COPE: variants seen among roughly 807,000 people sequenced by gnomAD.
COPE encodes coatomer subunit epsilon.
COPE carries 19 observed loss-of-function variants against 42.1 expected under a neutral mutation model. That is an observed-to-expected ratio of 0.45 (90% CI 0.31 to 0.66). The LOEUF (loss-of-function observed/expected upper bound fraction) is 0.66, where lower values mean the gene tolerates loss of function less well. Among genes scored for constraint, COPE ranks in the 30% least tolerant of loss-of-function variants. COPE has a pLI of 0.05. For synonymous variants in COPE, 195 were observed against 181.3 expected (o/e 1.08, Z -0.60); for missense variants, 402 against 416.1 (o/e 0.97, Z 0.30).
At chr19:18,908,223 G>A (rs1472980536) in intron 3 of COPE, among the ~76,000 whole-genome samples, 1 of 152,174 alleles carries the variant, frequency 6.6e-6, no homozygotes, top group African/African-American at 2.4e-5. Context: ...AAGCCCAGGA[G>A]TTCAAGACCA....
Position 18,907,092 on chromosome 19 carries a change from A to G in COPE, c.311T>C (p.Leu104Pro), listed in dbSNP as rs773583293. ...ESRRDSIVAELDREMSRSVDV... is the reference protein window; with the variant it reads ...ESRRDSIVAEPDREMSRSVDV... Reference sequence around the variant, plus strand: ...CACGCTCCTGCTCATCTCTCGGTCCAGCTCGGCCACGATGCTGTCCCTGCA... The same window carrying G: ...CACGCTCCTGCTCATCTCTCGGTCCGGCTCGGCCACGATGCTGTCCCTGCA... The change falls in exon 4 of 10, where the codon CTG becomes CCG. Residue 104 changes from leucine to proline, a missense_variant. Transcript: ENST00000262812. 2 of 1,612,274 alleles carry G rather than the reference A, an allele frequency of 1.2e-6. No homozygotes were observed. The highest frequency in any genetic ancestry group is 1.7e-6 in the Non-Finnish European group (2 of 1,179,646).
At chr19:18,900,324 G>C in intron 8 of COPE, 57 bp downstream of exon 8, 2 of 1,387,144 alleles carry the variant, frequency 1.4e-6, no homozygotes, top group South Asian at 1.3e-5. Flanking sequence ...TGGACCCCAG[G>C]CTGGGGTCCC....
chr19:18,899,666 C>T lies in COPE; in HGVS notation c.*13G>A. 1 of 1,613,356 alleles carries T rather than the reference C, an allele frequency of 6.2e-7. No homozygotes were observed. Among genetic ancestry groups the T allele is most frequent in the Non-Finnish European group, 8.5e-7 (1 of 1,179,962 alleles). On this transcript the variant is annotated 3_prime_UTR_variant, in exon 10 of 10. Transcript: ENST00000262812. ...TGTCCTGGCTTCATGGTCCTGACAG[C>T]TCTGGGCCAGCCTCAGGCGCTGGGA...
intron 1 of COPE, among the ~76,000 whole-genome samples, chr19:18,915,029 G>A (rs2056842415): frequency 2.0e-5 from 3 of 152,094 alleles, no homozygotes; most frequent in African/African-American, 7.2e-5. Flanking sequence ...CCCGGTCTGA[G>A]ACCCTGTGTC....
At chr19:18,917,269 G>A (rs1269731561) in intron 1 of COPE, among the ~76,000 whole-genome samples, 1 of 134,858 alleles carries the variant, frequency 7.4e-6, no homozygotes, top group African/African-American at 2.7e-5. Context: ...TTGAGATAGG[G>A]TCTCACTTTT....
At chr19:18,916,228 C>T (rs974954825) in intron 1 of COPE, among the ~76,000 whole-genome samples, 2 of 152,046 alleles carry the variant, frequency 1.3e-5, no homozygotes, top group African/African-American at 4.8e-5. Context: ...TGGCAGGCAC[C>T]TGTAATCCCA....
intron 5 of COPE, 148 bp downstream of exon 5, chr19:18,905,428 A>C (rs2056749085): frequency 1.4e-6 from 1 of 739,720 alleles, no homozygotes; most frequent in Non-Finnish European, 2.1e-6. Context: ...TACTGCAGGG[A>C]AGGGCTGAAC....
rs370929301 is a variant in COPE at position 18,919,335 on chromosome 19, G to A, written c.14C>T (p.Ala5Val). ...GGAGCCGCCGGAGGCCGGGCCGGGGGCCGGAGGCGCCATTTCGCTGTCTTC... is the reference window on the plus strand; with the variant it reads ...GGAGCCGCCGGAGGCCGGGCCGGGGACCGGAGGCGCCATTTCGCTGTCTTC... MAPP[A>V]PGPASGGSGE... is the part of the protein sequence containing the mutation. The change falls in exon 1 of 10, where the codon GCC becomes GTC. Residue 5 changes from alanine to valine, a missense_variant. By Grantham distance (64) the Ala-to-Val change is moderately conservative (BLOSUM62 0). Transcript: ENST00000262812. The A allele has an allele frequency of 5.0e-6, 8 of 1,613,568 alleles. No homozygotes were observed. In the African/African-American group the frequency reaches 6.7e-5, roughly 13 times the overall value.
intron 3 of COPE, among the ~76,000 whole-genome samples, chr19:18,907,806 G>A (rs1397543284): frequency 1.3e-5 from 2 of 152,212 alleles, no homozygotes; most frequent in South Asian, 2.1e-4. Flanking sequence ...GGGTTCAAAC[G>A]TGGCTCTGTG....
chr19:18,905,131 G>T (rs2056746485), intron 5 of COPE, among the ~76,000 whole-genome samples: 1 of 152,190 alleles, frequency 6.6e-6, no homozygotes, highest in Non-Finnish European at 1.5e-5. Flanking sequence ...ATGGAACGCA[G>T]GGAAGGGCAA....
At chr19:18,913,228 C>CG (rs1601232347) in intron 1 of COPE, among the ~76,000 whole-genome samples, 182 bp from the exon 2 acceptor site, 2 of 152,278 alleles carry the variant, frequency 1.3e-5, no homozygotes, top group South Asian at 4.1e-4. Context: ...GTACCCTACA[C>CG]GGGGGGTGCC....
At chr19:18,911,613 G>A (rs767225662) in intron 2 of COPE, among the ~76,000 whole-genome samples, 4 of 151,550 alleles carry the variant, frequency 2.6e-5, no homozygotes, top group Non-Finnish European at 4.4e-5. Flanking sequence ...GTGCAGTGGC[G>A]TGATCTCGGC....
intron 1 of COPE, among the ~76,000 whole-genome samples, chr19:18,914,776 G>C (rs1211383890): frequency 1.2e-5 from 1 of 82,750 alleles, no homozygotes; most frequent in African/African-American, 4.7e-5. Flanking sequence ...TTTTTTTTTT[G>C]ATGGAGTCTT....
In COPE at chr19:18,905,452, C is replaced by T. The variant is rs1337610991; in HGVS notation, c.497+124G>A. 5 of 992,126 alleles carry T rather than the reference C, an allele frequency of 5.0e-6. No individual in the cohort carries two copies. The African/African-American group carries it at 6.6e-5, about 13-fold the overall frequency. The allele number at this position is 992,126 out of a possible 1,614,324, so 61.5% of individuals were successfully genotyped here. A position where few individuals can be genotyped will look rare whatever the true frequency, so the allele number is the denominator to read the frequency against. On this transcript the variant is annotated intron_variant, in intron 5 of 9. Transcript: ENST00000262812. ...GAAGGGCTGAACGACAGCAAGCCACCCCCATGGAAAGGAAAGACAACAAGA... is the reference window on the plus strand; with the variant it reads ...GAAGGGCTGAACGACAGCAAGCCACTCCCATGGAAAGGAAAGACAACAAGA...
At position 18,901,115 on chromosome 19, in the gene COPE, T is replaced by TG. The variant is rs550911192; in HGVS notation, c.736-667dup. Among the ~76,000 whole-genome samples the TG allele has an allele frequency of 6.9e-4, 105 of 152,084 alleles. No individual in the cohort carries two copies. The East Asian group carries it at 0.018, about 26-fold the overall frequency. On this transcript the variant is annotated intron_variant, in intron 7 of 9. Coordinates refer to ENST00000262812, the MANE Select transcript of COPE (RefSeq NM_007263.4). ...GCCATGAGGTGGCTCCAAAGGGAAGTGGGGGGACCTGAGTGCCTCCCAAAA... is the reference window on the plus strand; with the variant it reads ...GCCATGAGGTGGCTCCAAAGGGAAGTGGGGGGGACCTGAGTGCCTCCCAAAA...
At chr19:18,904,336 G>A (rs1490528218) in intron 6 of COPE, among the ~76,000 whole-genome samples, 1 of 152,260 alleles carries the variant, frequency 6.6e-6, no homozygotes, top group Admixed American at 6.5e-5. Context: ...AACCAGGAGA[G>A]GGGCTGTTGC....
At chr19:18,907,399 T>C (rs768079310) in intron 3 of COPE, among the ~76,000 whole-genome samples, 23 of 152,146 alleles carry the variant, frequency 1.5e-4, no homozygotes, top group Non-Finnish European at 3.4e-4. Context: ...TCACCCGCCT[T>C]CCTGAGGAGG....
Position 18,911,027 on chromosome 19 carries a change from G to A in COPE, c.234C>T (p.Ala78=). ...VVLDEIKPSS[A]PELQAVRMFA... The stretch of plus-strand genomic sequence containing the variant: ...ACATGCGCACGGCCTGGAGCTCAGG[G>A]GCCGAGGAGGGCTTGATCTCATCCA... Residue 78 remains alanine, a synonymous_variant, in exon 3 of 10, where the codon GCC becomes GCT. Transcript: ENST00000262812. The A allele has an allele frequency of 4.3e-6, 7 of 1,614,014 alleles. No individual in the cohort carries two copies. The highest frequency in any genetic ancestry group is 5.9e-6 in the Non-Finnish European group (7 of 1,180,022).
At chr19:18,902,772 A>AGGAAGGAAAG (rs1568314845) in intron 7 of COPE, among the ~76,000 whole-genome samples, 1 of 31,936 alleles carries the variant, frequency 3.1e-5, no homozygotes, top group African/African-American at 2.1e-4. Context: ...AGGAAGGGAA[A>AGGAAGGAAAG]GAAGGAAGGA....
Sources: allele counts gnomAD v4.1 joint callset (sites outside exome capture counted in the v4.1 genomes callset), GRCh38; gene constraint gnomAD v4.1.1; transcripts MANE v1.5; gene names NCBI Gene and HGNC (gene_info 2026-07-23, HGNC 2026-07-21).